ARL9: variants seen among roughly 807,000 people sequenced by gnomAD.
ARL9 encodes ARF like GTPase 9.
A neutral mutation model predicts 27.0 loss-of-function variants in ARL9; 14 were observed. The ratio of observed to expected loss-of-function variants is 0.52; its 90% CI spans 0.34 to 0.81. The LOEUF is 0.81. Ranked by LOEUF, ARL9 falls within the 30% of genes least tolerant of loss-of-function variation. ARL9 has a pLI of 0.01. For synonymous variants in ARL9, 106 were observed against 108.7 expected, an observed-to-expected ratio of 0.98 and a Z score of 0.15; for missense variants, 294 against 290.0, an observed-to-expected ratio of 1.01 and a Z score of -0.10.
rs1381323064 is a variant in ARL9 at position 56,509,195 on chromosome 4, CT to C, written c.280-1985del. 2.2e-3 allele frequency among the ~76,000 whole-genome samples: 300 copies of C among 136,524 alleles called. 3 individuals are homozygous for C. Among genetic ancestry groups the C allele is most frequent in the African/African-American group, 8.3e-3 (292 of 35,198 alleles). The allele number at this position is 136,524 out of a possible 152,430, so 89.6% of individuals were successfully genotyped here. A position where few individuals can be genotyped will look rare whatever the true frequency, so the allele number is the denominator to read the frequency against. ...GTTGATAGAATGCTTTTTTCTTTTTCTTTTTCTTTTTTTTGTTTTTTTTTTT... is the reference window on the plus strand; with the variant it reads ...GTTGATAGAATGCTTTTTTCTTTTTCTTTTCTTTTTTTTGTTTTTTTTTTT... On this transcript the variant is annotated intron_variant, in intron 1 of 3. Transcript: ENST00000640821.
Position 56,524,141 on chromosome 4 carries a change from A to G in ARL9, c.*265A>G, listed in dbSNP as rs1386275966. ...TAATACACATTTTAAAATACAATAT[A>G]ACAACTATTTACATAGCATTTTCAT... On this transcript the variant is annotated 3_prime_UTR_variant, in exon 4 of 4. Coordinates refer to ENST00000640821, the MANE Select transcript of ARL9 (RefSeq NM_001363794.2). 1.2e-5 allele frequency: 4 copies of G among 343,628 alleles called. No individual in the cohort carries two copies. The highest frequency in any genetic ancestry group is 8.3e-5 in the African/African-American group (4 of 48,240). The allele number at this position is 343,628 out of a possible 1,614,324, so 21.3% of individuals were successfully genotyped here.
At chr4:56,517,787 T>C (rs1721804586) in intron 2 of ARL9, among the ~76,000 whole-genome samples, 1 of 152,158 alleles carries the variant, frequency 6.6e-6, no homozygotes, top group Non-Finnish European at 1.5e-5. Flanking sequence ...GCATTTTTTT[T>C]TTCTGAAGCA....
chr4:56,516,816 C>A (rs1721779526), intron 2 of ARL9, among the ~76,000 whole-genome samples: 1 of 151,996 alleles, frequency 6.6e-6, no homozygotes, highest in South Asian at 2.1e-4. Flanking sequence ...GTAGTCCCAG[C>A]TACTGGTGAG....
chr4:56,519,350 G>C (rs1340198351), intron 3 of ARL9, among the ~76,000 whole-genome samples: 2 of 152,084 alleles, frequency 1.3e-5, no homozygotes, highest in African/African-American at 4.8e-5. Context: ...GGTGGCTCAC[G>C]CCTGTAATCC....
At chr4:56,508,675 C>T (rs113520643) in intron 1 of ARL9, among the ~76,000 whole-genome samples, 18 of 152,138 alleles carry the variant, frequency 1.2e-4, no homozygotes, top group African/African-American at 4.1e-4. Flanking sequence ...TAAGAGCCAC[C>T]GCACCGGCCT....
chr4:56,505,963 T>C lies in ARL9; in HGVS notation c.101T>C (p.Val34Ala). 8.5e-7 allele frequency: 1 copy of C among 1,176,776 alleles called. No homozygotes were observed. Among genetic ancestry groups the C allele is most frequent in the Non-Finnish European group, 1.1e-6 (1 of 942,418 alleles). 72.9% of individuals were successfully genotyped at this position (1,176,776 alleles called of 1,614,324 possible). A position where few individuals can be genotyped will look rare whatever the true frequency, so the allele number is the denominator to read the frequency against. The change falls in exon 1 of 4, where the codon GTG becomes GCG. Residue 34 changes from valine to alanine, a missense_variant. Coordinates refer to ENST00000640821, the MANE Select transcript of ARL9 (RefSeq NM_001363794.2). ...GREEKVKRKEVEQKIKQKQEK... is the reference protein window; with the variant it reads ...GREEKVKRKEAEQKIKQKQEK... The stretch of plus-strand genomic sequence containing the variant: ...GAAGAGAAAGTGAAAAGAAAGGAGG[T>C]GGAGCAGAAAATTAAACAAAAGCAA...
chr4:56,509,726 A>G (rs59686671), intron 1 of ARL9, among the ~76,000 whole-genome samples: 11,106 of 74,544 alleles, frequency 0.15, 851 homozygotes, highest in East Asian at 0.36. Flanking sequence ...TTTTTTTTTT[A>G]AGATGGAGCC....
At chr4:56,509,826 G>A (rs1264991651) in intron 1 of ARL9, among the ~76,000 whole-genome samples, 1 of 150,156 alleles carries the variant, frequency 6.7e-6, no homozygotes, top group Non-Finnish European at 1.5e-5. Context: ...TCCTGCCTCA[G>A]CCTCCCGTGT....
In ARL9 at chr4:56,505,978, A is replaced by G; in HGVS notation, c.116A>G (p.Lys39Arg). 7.9e-6 allele frequency: 9 copies of G among 1,141,434 alleles called. No individual in the cohort carries two copies. The highest frequency in any genetic ancestry group is 9.7e-6 in the Non-Finnish European group (9 of 926,608). 70.7% of individuals were successfully genotyped at this position (1,141,434 alleles called of 1,614,324 possible). ...VKRKEVEQKI[K>R]QKQEKQERRK... ...AGAAAGGAGGTGGAGCAGAAAATTAAACAAAAGCAAGAGAAGCAGGAGAGG... is the reference window on the plus strand; with the variant it reads ...AGAAAGGAGGTGGAGCAGAAAATTAGACAAAAGCAAGAGAAGCAGGAGAGG... Residue 39 changes from lysine to arginine, a missense_variant, in exon 1 of 4, where the codon AAA (lysine) becomes AGA (arginine). Lys to Arg is a conservative substitution (Grantham distance 26). Coordinates refer to ENST00000640821, the MANE Select transcript of ARL9 (RefSeq NM_001363794.2).
In ARL9 at chr4:56,505,970, G is replaced by T; in HGVS notation, c.108G>T (p.Gln36His). Reference protein sequence around the residue: ...EEKVKRKEVEQKIKQKQEKQE... With the variant: ...EEKVKRKEVEHKIKQKQEKQE... ...AAGTGAAAAGAAAGGAGGTGGAGCA[G>T]AAAATTAAACAAAAGCAAGAGAAGC... The change falls in exon 1 of 4, where the codon CAG (glutamine) becomes CAT (histidine). Residue 36 changes from glutamine (Q) to histidine (H), a missense_variant. Gln to His is a conservative substitution (Grantham distance 24, BLOSUM62 0). Transcript: ENST00000640821. 8.3e-7 allele frequency: 1 copy of T among 1,209,326 alleles called. No homozygotes were observed. Among genetic ancestry groups the T allele is most frequent in the Non-Finnish European group, 1.0e-6 (1 of 968,836 alleles). The allele number at this position is 1,209,326 out of a possible 1,614,324, so 74.9% of individuals were successfully genotyped here.
At chr4:56,519,655 C>A (rs1373189934) in intron 3 of ARL9, among the ~76,000 whole-genome samples, 1 of 151,886 alleles carries the variant, frequency 6.6e-6, no homozygotes, top group African/African-American at 2.4e-5. Flanking sequence ...TCTGGGTATA[C>A]AGTGAAAAGA....
intron 1 of ARL9, 116 bp downstream of exon 1, chr4:56,506,257 A>C: frequency 9.5e-5 from 97 of 1,024,714 alleles, no homozygotes; most frequent in Non-Finnish European, 1.1e-4. Context: ...AATGGATCTC[A>C]ACTGAGGGCT....
chr4:56,522,840 C>T (rs1015777962), intron 3 of ARL9, among the ~76,000 whole-genome samples: 1 of 152,136 alleles, frequency 6.6e-6, no homozygotes, highest in African/African-American at 2.4e-5. Flanking sequence ...CTCCTTTTCC[C>T]ACTGCACGTT....
chr4:56,518,521 C>G (rs746362570), intron 2 of ARL9, among the ~76,000 whole-genome samples, 157 bp from the exon 3 acceptor site: 35 of 152,304 alleles, frequency 2.3e-4, no homozygotes, highest in Non-Finnish European at 4.6e-4. Context: ...TAACATGCCT[C>G]TGGTCACTCT....
chr4:56,509,701 ATTTTTTT>A (rs766835732), intron 1 of ARL9, among the ~76,000 whole-genome samples: 2 of 98,314 alleles, frequency 2.0e-5, no homozygotes, highest in East Asian at 3.6e-4. Flanking sequence ...CACTGGGCTA[ATTTTTTT>A]TTTTTTTTTT....
intron 1 of ARL9, among the ~76,000 whole-genome samples, chr4:56,509,701 A>ATTTTT (rs766835732): frequency 1.0e-5 from 1 of 98,314 alleles, no homozygotes; most frequent in Non-Finnish European, 1.9e-5. Context: ...CACTGGGCTA[A>ATTTTT]TTTTTTTTTT....
chr4:56,510,774 CTTTT>C (rs11320889), intron 1 of ARL9, among the ~76,000 whole-genome samples: 2 of 140,340 alleles, frequency 1.4e-5, no homozygotes. Flanking sequence ...AGTTTTATCC[CTTTT>C]TTTTTTTTTT....
At chr4:56,505,658 C>T (rs148221453), upstream of ARL9, 984 of 826,966 alleles carry the variant, frequency 1.2e-3, 2 homozygotes, top group South Asian at 4.7e-3. Context: ...CCTGCGGGTT[C>T]AGCGAATCGG....
upstream of ARL9, chr4:56,505,766 C>G: frequency 7.2e-7 from 1 of 1,380,016 alleles, no homozygotes; most frequent in Admixed American, 3.3e-5. Context: ...GCCTACGTCT[C>G]TGTCGGGCGT....
Sources: allele counts gnomAD v4.1 joint callset (sites outside exome capture counted in the v4.1 genomes callset), GRCh38; gene constraint gnomAD v4.1.1; transcripts MANE v1.5; gene names NCBI Gene and HGNC (gene_info 2026-07-23, HGNC 2026-07-21).